The following HNMT variants were observed in gnomAD, a reference collection of about 807,000 sequenced individuals.
HNMT encodes histamine N-methyltransferase.
A neutral mutation model predicts 32.1 loss-of-function variants in HNMT; 30 were observed. The ratio of observed to expected loss-of-function variants is 0.93; its 90% CI spans 0.70 to 1.27. The LOEUF (loss-of-function observed/expected upper bound fraction) is 1.27. Ranked by LOEUF, HNMT falls within the 50% of genes most tolerant of loss-of-function variation. The pLI is 0.00. For synonymous variants in HNMT, 125 were observed against 119.0 expected (o/e 1.05, Z -0.33); for missense variants, 327 against 346.0 (o/e 0.95, Z 0.43).
chr2:137,999,748 G>C (rs185298869), intron 2 of HNMT, among the ~76,000 whole-genome samples: 1 of 152,062 alleles, frequency 6.6e-6, no homozygotes, highest in East Asian at 1.9e-4. Flanking sequence ...ATCAGCAAGA[G>C]GGAGAGAAGA....
intron 3 of HNMT, among the ~76,000 whole-genome samples, chr2:138,001,437 A>G (rs1019318907): frequency 6.6e-6 from 1 of 152,208 alleles, no homozygotes; most frequent in East Asian, 1.9e-4. Flanking sequence ...GCCATAACTA[A>G]TCAACCTGCC....
chr2:138,015,738 C>T lies in HNMT; in HGVS notation c.*1608C>T, dbSNP rs1681642838. 6.6e-6 allele frequency: 1 copy of T among 152,090 alleles called. No individual in the cohort carries two copies. Among genetic ancestry groups the T allele is most frequent in the African/African-American group, 2.4e-5 (1 of 41,418 alleles). 9.4% of individuals were successfully genotyped at this position (152,090 alleles called of 1,614,324 possible). A position where few individuals can be genotyped will look rare whatever the true frequency, so the allele number is the denominator to read the frequency against. On this transcript the variant is annotated 3_prime_UTR_variant, in exon 6 of 6. Transcript: ENST00000280097. ...TTGATGGGTATGGGGCCATGAAGACCTTGAAGAGCTTCACCAGAAGTATGG... is the reference window on the plus strand; with the variant it reads ...TTGATGGGTATGGGGCCATGAAGACTTTGAAGAGCTTCACCAGAAGTATGG...
chr2:138,013,395 A>C (rs1248106865), intron 5 of HNMT, among the ~76,000 whole-genome samples: 2 of 152,020 alleles, frequency 1.3e-5, no homozygotes, highest in Non-Finnish European at 2.9e-5. Context: ...TTAATGGGCC[A>C]AGTATCATCC....
At chr2:137,971,634 A>G (rs1680140467) in intron 2 of HNMT, among the ~76,000 whole-genome samples, 1 of 152,214 alleles carries the variant, frequency 6.6e-6, no homozygotes, top group South Asian at 2.1e-4. Flanking sequence ...TAAAATGGGA[A>G]CAATGAATTT....
intron 4 of HNMT, 168 bp downstream of exon 4, chr2:138,002,362 C>T (rs192464715): frequency 1.1e-5 from 11 of 1,035,106 alleles, no homozygotes; most frequent in Non-Finnish European, 1.3e-5. Context: ...GTTTATTATA[C>T]TAAGATTCTC....
intron 1 of HNMT, among the ~76,000 whole-genome samples, chr2:137,968,810 GT>G (rs1680036167): frequency 6.6e-6 from 1 of 152,132 alleles, no homozygotes; most frequent in African/African-American, 2.4e-5. Context: ...TTCAATTTTT[GT>G]TCCCATCCTG....
chr2:137,970,455 A>G (rs1680086396), intron 2 of HNMT, among the ~76,000 whole-genome samples: 1 of 152,244 alleles, frequency 6.6e-6, no homozygotes, highest in Non-Finnish European at 1.5e-5. Flanking sequence ...TTCTTTTGAT[A>G]GATGAAAAAT....
At chr2:138,003,905 T>C (rs1372240628) in intron 4 of HNMT, among the ~76,000 whole-genome samples, 1 of 152,098 alleles carries the variant, frequency 6.6e-6, no homozygotes, top group Admixed American at 6.6e-5. Flanking sequence ...TCAGCTTCTC[T>C]TTCCTATTTC....
At chr2:138,012,392 G>A (rs1242367860) in intron 5 of HNMT, among the ~76,000 whole-genome samples, 1 of 152,062 alleles carries the variant, frequency 6.6e-6, no homozygotes, top group East Asian at 1.9e-4. Context: ...TAGAATTTCA[G>A]TTTAGTACTA....
chr2:138,001,675 G>C (rs1001516720), intron 3 of HNMT, among the ~76,000 whole-genome samples: 1 of 151,954 alleles, frequency 6.6e-6, no homozygotes, highest in African/African-American at 2.4e-5. Context: ...TTTAGCTTGC[G>C]GTTCATACAA....
chr2:137,977,474 G>T (rs188287569), intron 2 of HNMT, among the ~76,000 whole-genome samples: 4 of 151,986 alleles, frequency 2.6e-5, no homozygotes, highest in East Asian at 1.9e-4. Context: ...GGATTGGGGG[G>T]GTTGCAGGGA....
At chr2:137,981,579 A>C in intron 2 of HNMT, 1 of 557,492 alleles carries the variant, frequency 1.8e-6, no homozygotes, top group South Asian at 2.7e-5. Context: ...AATGGTTAGA[A>C]CCTGACATTT....
chr2:138,013,454 C>T (rs943377326), intron 5 of HNMT, among the ~76,000 whole-genome samples: 3 of 152,200 alleles, frequency 2.0e-5, no homozygotes, highest in African/African-American at 7.2e-5. Context: ...GAGTCATCTT[C>T]CCCCTGATAT....
chr2:137,994,264 T>C (rs2104963471), intron 2 of HNMT, among the ~76,000 whole-genome samples: 1 of 152,312 alleles, frequency 6.6e-6, no homozygotes, highest in East Asian at 1.9e-4. Flanking sequence ...CCCATCAGTG[T>C]GCTGTATTCA....
At chr2:137,986,214 C>T (rs1325055631) in intron 2 of HNMT, among the ~76,000 whole-genome samples, 1 of 150,328 alleles carries the variant, frequency 6.7e-6, no homozygotes, top group African/African-American at 2.4e-5. Flanking sequence ...AGTCAGGGTT[C>T]TCTAGAGAAA....
At chr2:137,977,498 C>A (rs576024878) in intron 2 of HNMT, among the ~76,000 whole-genome samples, 1 of 152,154 alleles carries the variant, frequency 6.6e-6, no homozygotes, top group Non-Finnish European at 1.5e-5. Flanking sequence ...AGATCAATTC[C>A]TTGGGTCTCC....
At chr2:137,974,087 A>G (rs747609889) in intron 2 of HNMT, among the ~76,000 whole-genome samples, 3 of 152,014 alleles carry the variant, frequency 2.0e-5, no homozygotes, top group Non-Finnish European at 2.9e-5. Context: ...AGGAAAATGT[A>G]TGAAATAAAT....
At chr2:138,010,400 T>C (rs1681458740) in intron 5 of HNMT, among the ~76,000 whole-genome samples, 1 of 148,294 alleles carries the variant, frequency 6.7e-6, no homozygotes, top group Non-Finnish European at 1.5e-5. Context: ...GCAGATGAAG[T>C]TTAATAAATA....
chr2:137,997,161 A>G (rs998951028), intron 2 of HNMT, among the ~76,000 whole-genome samples: 3 of 152,226 alleles, frequency 2.0e-5, no homozygotes, highest in Non-Finnish European at 4.4e-5. Context: ...ACAAAAGCCA[A>G]CATTTACAAA....
Sources: gnomAD v4.1 joint callset for allele counts (sites outside exome capture counted in the v4.1 genomes callset) on GRCh38, gnomAD v4.1.1 for gene constraint, MANE v1.5 for transcripts, NCBI Gene and HGNC (gene_info 2026-07-23, HGNC 2026-07-21) for gene names.